PLCG2: variants seen among roughly 807,000 people sequenced by gnomAD.
The protein encoded by PLCG2 is phospholipase C gamma 2.
Under a neutral mutation model 175.6 loss-of-function variants are expected in PLCG2, and 69 were observed. The observed-to-expected ratio is 0.39, with a 90% CI of 0.32 to 0.48. The LOEUF is 0.48. Among genes scored for constraint, PLCG2 ranks in the 20% least tolerant of loss-of-function variants. The pLI is 0.91. For synonymous variants in PLCG2, 827 were observed against 624.0 expected (o/e 1.33, Z -4.85); for missense variants, 1,798 against 1,650.9 (o/e 1.09, Z -1.54).
At chr16:81,794,074 A>G (rs1275423526) in intron 2 of PLCG2, among the ~76,000 whole-genome samples, 1 of 152,158 alleles carries the variant, frequency 6.6e-6, no homozygotes, top group African/African-American at 2.4e-5. Flanking sequence ...ACGTGTGCAG[A>G]GGACTTGCTC....
rs1047295035 is a variant in PLCG2, at chr16:81,946,132, A to G, written c.3482-43A>G. The G allele has an allele frequency of 5.4e-6, 8 of 1,492,850 alleles. No homozygotes were observed. The African/African-American group carries it at 5.5e-5, about 10-fold the overall frequency. 92.5% of individuals were successfully genotyped at this position (1,492,850 alleles called of 1,614,324 possible). ...CTCCAAAAAAAATCTAAGGTCTGAC[A>G]TTAATTACCTGCCTTTGCATTTTCC... On this transcript the variant is annotated intron_variant, in intron 30 of 32. Coordinates refer to ENST00000564138, the MANE Select transcript of PLCG2 (RefSeq NM_002661.5).
intron 22 of PLCG2, among the ~76,000 whole-genome samples, chr16:81,926,303 T>A (rs907454013): frequency 8.5e-5 from 13 of 152,100 alleles, no homozygotes; most frequent in African/African-American, 3.1e-4. Context: ...CATCATGTGG[T>A]GTGGTCAGAG....
At chr16:81,856,583 T>C (rs924040745) in intron 3 of PLCG2, among the ~76,000 whole-genome samples, 1 of 152,246 alleles carries the variant, frequency 6.6e-6, no homozygotes, top group Non-Finnish European at 1.5e-5. Context: ...AGGGTTGTGG[T>C]GCAGATTATT....
chr16:81,903,558 A>T (rs11859255), intron 14 of PLCG2, among the ~76,000 whole-genome samples: 1 of 152,166 alleles, frequency 6.6e-6, no homozygotes, highest in African/African-American at 2.4e-5. Context: ...TGGGGTCACA[A>T]GTTAACAAAA....
chr16:81,832,607 T>G (rs920988636), intron 2 of PLCG2, among the ~76,000 whole-genome samples: 6 of 152,234 alleles, frequency 3.9e-5, no homozygotes, highest in African/African-American at 1.4e-4. Flanking sequence ...TTTTGCCGTG[T>G]TGCCCAGGCT....
chr16:81,934,927 AACC>A (rs1910645739), intron 26 of PLCG2, among the ~76,000 whole-genome samples: 2 of 152,090 alleles, frequency 1.3e-5, no homozygotes, highest in Non-Finnish European at 2.9e-5. Flanking sequence ...GTACAGGGGA[AACC>A]ACCCCCATGA....
rs1372950940 is a variant in PLCG2 at position 81,889,167 on chromosome 16, T to C, written c.766-5T>C. On this transcript the variant is annotated splice_region_variant and splice_polypyrimidine_tract_variant and intron_variant, in intron 9 of 32. Coordinates refer to ENST00000564138, the MANE Select transcript of PLCG2 (RefSeq NM_002661.5). ...CTGATCTCTCGTTCTCTTTGTCATTTTAAGGAGCATTGGGCTCAGGATCTG... is the reference window on the plus strand; with the variant it reads ...CTGATCTCTCGTTCTCTTTGTCATTCTAAGGAGCATTGGGCTCAGGATCTG... The C allele has an allele frequency of 6.4e-7, 1 of 1,561,108 alleles. No individual in the cohort carries two copies. The highest frequency in any genetic ancestry group is 1.1e-5 in the South Asian group (1 of 87,594).
intron 1 of PLCG2, among the ~76,000 whole-genome samples, chr16:81,745,546 C>T (rs1370645640): frequency 6.6e-6 from 1 of 152,126 alleles, no homozygotes; most frequent in East Asian, 1.9e-4. Context: ...ATGGTAATTA[C>T]CAGCTGGATG....
intron 14 of PLCG2, among the ~76,000 whole-genome samples, chr16:81,903,444 G>A (rs1909235735): frequency 6.6e-6 from 1 of 152,236 alleles, no homozygotes. Flanking sequence ...GGCCAAGACT[G>A]TGACCCTTAA....
intron 2 of PLCG2, among the ~76,000 whole-genome samples, chr16:81,830,916 C>A (rs8047437): frequency 6.6e-6 from 1 of 151,872 alleles, no homozygotes; most frequent in South Asian, 2.1e-4. Context: ...ACAGGCACTG[C>A]GGGTCATGAG....
chr16:81,956,879 G>C lies in PLCG2; in HGVS notation c.3755G>C (p.Arg1252Thr), dbSNP rs748492148. 3.7e-6 allele frequency: 6 copies of C among 1,612,530 alleles called. No individual in the cohort carries two copies. The Admixed American group carries it at 6.7e-5, about 18-fold the overall frequency. The change falls in exon 32 of 33, where the codon AGG (arginine) becomes ACG (threonine). Residue 1252 changes from arginine (R) to threonine (T), a missense_variant and splice_region_variant. By Grantham distance (71) the Arg-to-Thr change is moderately conservative. Coordinates refer to ENST00000564138, the MANE Select transcript of PLCG2 (RefSeq NM_002661.5). ...LQLYQEKCNK[R>T]LREKRVSNSK... The stretch of plus-strand genomic sequence containing the variant: ...CTGTACCAGGAGAAATGCAACAAGA[G>C]GTAGGTCAGCCCCTCCACCTGCAAA...
intron 2 of PLCG2, among the ~76,000 whole-genome samples, chr16:81,758,869 G>C (rs569390665): frequency 5.3e-5 from 8 of 152,180 alleles, no homozygotes; most frequent in African/African-American, 1.7e-4. Context: ...GTAGAGACGG[G>C]GTTTCACCAT....
chr16:81,746,780 G>A (rs1372765613), intron 1 of PLCG2, among the ~76,000 whole-genome samples: 1 of 152,112 alleles, frequency 6.6e-6, no homozygotes, highest in Non-Finnish European at 1.5e-5. Flanking sequence ...CAGGTAACTG[G>A]TACAGTGCCT....
intron 1 of PLCG2, chr16:81,739,785 G>A (rs1909543833): frequency 6.6e-6 from 1 of 152,284 alleles, no homozygotes; most frequent in African/African-American, 2.4e-5. Flanking sequence ...TGGGCATGAT[G>A]AAATGACACC....
At position 81,910,708 on chromosome 16, in the gene PLCG2, A is replaced by G. The variant is rs754649688; in HGVS notation, c.1922A>G (p.His641Arg). Residue 641 changes from histidine to arginine, a missense_variant, in exon 18 of 33, where the codon CAC (histidine) becomes CGC (arginine). By Grantham distance (29) the His-to-Arg change is conservative. Coordinates refer to ENST00000564138, the MANE Select transcript of PLCG2 (RefSeq NM_002661.5). ...GACCCTGTGCCCAACCCCAACCCCCACGAGTCCAAGCCGTACGTGTCTGAG... is the reference window on the plus strand; with the variant it reads ...GACCCTGTGCCCAACCCCAACCCCCGCGAGTCCAAGCCGTACGTGTCTGAG... Reference protein sequence around the residue: ...LTDPVPNPNPHESKPWYYDSL... With the variant: ...LTDPVPNPNPRESKPWYYDSL... 1.9e-5 allele frequency: 30 copies of G among 1,608,590 alleles called. No individual in the cohort carries two copies. The highest frequency in any genetic ancestry group is 2.5e-5 in the Non-Finnish European group (30 of 1,179,778).
intron 2 of PLCG2, among the ~76,000 whole-genome samples, chr16:81,772,637 C>G (rs1290221829): frequency 4.4e-5 from 6 of 137,736 alleles, no homozygotes; most frequent in Non-Finnish European, 7.9e-5. Context: ...TGGTGAAACC[C>G]TGTTTCTACT....
chr16:81,754,359 T>TCCCCACCTCCTCCCCA (rs1909876946), intron 1 of PLCG2, among the ~76,000 whole-genome samples: 1 of 23,486 alleles, frequency 4.3e-5, no homozygotes, highest in Non-Finnish European at 7.7e-5. Flanking sequence ...CCTCCTCCCC[T>TCCCCACCTCCTCCCCA]CCCCTCCCCA....
intron 2 of PLCG2, among the ~76,000 whole-genome samples, chr16:81,833,041 G>T (rs988858734): frequency 6.6e-6 from 1 of 152,196 alleles, no homozygotes; most frequent in Non-Finnish European, 1.5e-5. Context: ...GTCCAGAAGC[G>T]GAAGGCAACC....
chr16:81,943,750 A>G (rs959355622), intron 30 of PLCG2, among the ~76,000 whole-genome samples: 1 of 152,222 alleles, frequency 6.6e-6, no homozygotes, highest in African/African-American at 2.4e-5. Context: ...GGCAAAAAAC[A>G]AACTAGCAAC....
Sources: gnomAD v4.1 joint callset for allele counts (sites outside exome capture counted in the v4.1 genomes callset) on GRCh38, gnomAD v4.1.1 for gene constraint, MANE v1.5 for transcripts, NCBI Gene and HGNC (gene_info 2026-07-23, HGNC 2026-07-21) for gene names.